CHCHD3: variants seen among roughly 807,000 people sequenced by gnomAD.
CHCHD3 encodes the protein MICOS complex subunit MIC19.
CHCHD3 carries 20 observed loss-of-function variants against 38.2 expected under a neutral mutation model. The observed-to-expected ratio is 0.52, with a 90% CI of 0.37 to 0.76. The LOEUF (loss-of-function observed/expected upper bound fraction) is 0.76, where lower values mean the gene tolerates loss of function less well. Ranked by LOEUF, CHCHD3 falls within the 30% of genes least tolerant of loss-of-function variation. The pLI, the probability that CHCHD3 is intolerant of heterozygous loss-of-function variation, is 0.00. For missense variants in CHCHD3, 245 were observed against 279.2 expected (o/e 0.88, Z 0.87); for synonymous variants, 82 against 100.0 (o/e 0.82, Z 1.07).
chr7:132,928,567 C>T (rs1009837222), intron 4 of CHCHD3, among the ~76,000 whole-genome samples: 2 of 152,052 alleles, frequency 1.3e-5, no homozygotes, highest in African/African-American at 4.8e-5. Context: ...CATGGTGGTG[C>T]ATGCCTGTAA....
intron 2 of CHCHD3, among the ~76,000 whole-genome samples, chr7:133,040,192 C>T (rs1464560477): frequency 1.3e-5 from 2 of 152,168 alleles, no homozygotes; most frequent in Admixed American, 6.5e-5. Flanking sequence ...GGTATACTTG[C>T]AAGAGCTGGA....
At chr7:132,992,780 CT>C (rs542266437) in intron 3 of CHCHD3, among the ~76,000 whole-genome samples, 4 of 152,014 alleles carry the variant, frequency 2.6e-5, no homozygotes, top group Non-Finnish European at 5.9e-5. Flanking sequence ...TTTAGAGTTA[CT>C]TTTTTTTGTT....
In CHCHD3 at chr7:132,785,640, T is replaced by C. The variant is rs777416499; in HGVS notation, c.681A>G (p.Gly227=). The C allele has an allele frequency of 6.2e-7, 1 of 1,614,128 alleles. No individual in the cohort carries two copies. The highest frequency in any genetic ancestry group is 8.5e-7 in the Non-Finnish European group (1 of 1,180,016). The part of the protein sequence containing the change: ...HAKQSMLEKG[G] ...GTTTTGCTCATTCTGAAAGTTTTTATCCTCCCTTCTCAAGCATGCTCTGCA... is the reference window on the plus strand; with the variant it reads ...GTTTTGCTCATTCTGAAAGTTTTTACCCTCCCTTCTCAAGCATGCTCTGCA... The change falls in exon 8 of 8, where the codon GGA becomes GGG. Residue 227 remains glycine (G), a synonymous_variant. Coordinates refer to ENST00000262570, the MANE Select transcript of CHCHD3 (RefSeq NM_017812.4).
At chr7:132,874,458 C>G (rs139306951) in intron 5 of CHCHD3, among the ~76,000 whole-genome samples, 1 of 152,344 alleles carries the variant, frequency 6.6e-6, no homozygotes, top group Non-Finnish European at 1.5e-5. Context: ...GTTGATATCT[C>G]TTTCACTTGC....
At chr7:133,028,854 C>T (rs1368932055) in intron 2 of CHCHD3, among the ~76,000 whole-genome samples, 4 of 149,804 alleles carry the variant, frequency 2.7e-5, no homozygotes, top group Non-Finnish European at 4.4e-5. Context: ...CACTGCACTC[C>T]GGCCTGGGCG....
At chr7:133,024,255 C>A (rs1813270667) in intron 3 of CHCHD3, among the ~76,000 whole-genome samples, 1 of 152,162 alleles carries the variant, frequency 6.6e-6, no homozygotes, top group Admixed American at 6.5e-5. Context: ...CTGGGAAATT[C>A]CTGGAGAATA....
intron 7 of CHCHD3, among the ~76,000 whole-genome samples, chr7:132,787,511 G>A (rs1289480455): frequency 6.6e-6 from 1 of 151,970 alleles, no homozygotes; most frequent in Non-Finnish European, 1.5e-5. Context: ...TGGGAGCCTG[G>A]GAAGGAGGAG....
chr7:132,831,509 A>C (rs1807650470), intron 6 of CHCHD3, among the ~76,000 whole-genome samples: 1 of 152,186 alleles, frequency 6.6e-6, no homozygotes, highest in Non-Finnish European at 1.5e-5. Context: ...ATATAATTTT[A>C]ATACTTTTGA....
intron 7 of CHCHD3, among the ~76,000 whole-genome samples, chr7:132,789,555 TTC>T (rs1477151298): frequency 6.6e-6 from 1 of 152,172 alleles, no homozygotes; most frequent in Non-Finnish European, 1.5e-5. Context: ...CCTCAAATAT[TTC>T]TGTTAAGCAG....
At chr7:132,977,074 G>A (rs984936250) in intron 3 of CHCHD3, among the ~76,000 whole-genome samples, 12 of 152,168 alleles carry the variant, frequency 7.9e-5, no homozygotes, top group Non-Finnish European at 1.3e-4. Context: ...TATTTCACAA[G>A]GACCATACAA....
chr7:132,956,161 ATT>A (rs1811160383), intron 4 of CHCHD3, among the ~76,000 whole-genome samples: 1 of 152,230 alleles, frequency 6.6e-6, no homozygotes. Flanking sequence ...AGACTGCAAC[ATT>A]AAGGCTTCCC....
intron 2 of CHCHD3, among the ~76,000 whole-genome samples, chr7:133,047,399 GAA>G (rs1242497982): frequency 7.9e-5 from 12 of 152,074 alleles, no homozygotes; most frequent in Non-Finnish European, 1.8e-4. Flanking sequence ...TGTCACTCAG[GAA>G]AAGCTACCCT....
intron 6 of CHCHD3, among the ~76,000 whole-genome samples, chr7:132,820,185 G>A (rs900795326): frequency 1.3e-5 from 2 of 152,050 alleles, no homozygotes; most frequent in African/African-American, 2.4e-5. Context: ...CAGGATCATC[G>A]TAACACTCAA....
At chr7:132,943,807 A>C (rs1037186937) in intron 4 of CHCHD3, among the ~76,000 whole-genome samples, 1 of 152,128 alleles carries the variant, frequency 6.6e-6, no homozygotes, top group African/African-American at 2.4e-5. Context: ...GGTTAGCCAC[A>C]TATGTCTGGC....
chr7:132,969,159 T>G (rs888523846), intron 4 of CHCHD3, among the ~76,000 whole-genome samples: 21 of 74,506 alleles, frequency 2.8e-4, no homozygotes, highest in African/African-American at 6.6e-4. Context: ...TTTTACTGTG[T>G]TTTTTTTTTT....
At chr7:132,853,708 T>C (rs890111114) in intron 5 of CHCHD3, among the ~76,000 whole-genome samples, 1 of 152,218 alleles carries the variant, frequency 6.6e-6, no homozygotes, top group Non-Finnish European at 1.5e-5. Context: ...AGTCTTGGGA[T>C]TGGTGCAGGC....
chr7:132,810,570 A>G (rs1807041956), intron 6 of CHCHD3, among the ~76,000 whole-genome samples: 1 of 152,236 alleles, frequency 6.6e-6, no homozygotes, highest in Non-Finnish European at 1.5e-5. Context: ...ATAGAAAACA[A>G]CAATCTACCA....
In CHCHD3 at chr7:133,081,880, T is replaced by C. The variant is rs766580003; in HGVS notation, c.58A>G (p.Ile20Val). 1 of 1,557,206 alleles carries C rather than the reference T, an allele frequency of 6.4e-7. No individual in the cohort carries two copies. ...VTFEADENEN[I>V]TVVKGIRLSE... ...ACCCGGATGCCCTTCACCACGGTGA[T>C]GTTCTCATTCTCGTCCGCCTCGAAG... Residue 20 changes from isoleucine to valine, a missense_variant, in exon 1 of 8, where the codon ATC becomes GTC. Ile to Val is a conservative substitution (Grantham distance 29). Transcript: ENST00000262570.
Position 133,035,539 on chromosome 7 carries a change from T to C in CHCHD3, c.170-10912A>G, listed in dbSNP as rs1338971599. On this transcript the variant is annotated intron_variant, in intron 2 of 7. Transcript: ENST00000262570. The surrounding 1 kb of genome is among the most constrained non-coding windows in gnomAD (Gnocchi z 4.7). ...CTCACTTCCTCCTTTGCATTCTCAGTGGCCTGTTTGTTGTGGTGCATGATG... is the reference window on the plus strand; with the variant it reads ...CTCACTTCCTCCTTTGCATTCTCAGCGGCCTGTTTGTTGTGGTGCATGATG... 1 of 1,613,400 alleles carries C rather than the reference T, an allele frequency of 6.2e-7. No individual in the cohort carries two copies. Among genetic ancestry groups the C allele is most frequent in the East Asian group, 2.2e-5 (1 of 44,892 alleles).
Sources: gnomAD v4.1 joint callset for allele counts (sites outside exome capture counted in the v4.1 genomes callset) on GRCh38, gnomAD v4.1.1 for gene constraint, Gnocchi (gnomAD v3.1) non-coding constraint, MANE v1.5 for transcripts, NCBI Gene and HGNC (gene_info 2026-07-23, HGNC 2026-07-21) for gene names.